PTPRR: variants seen among roughly 807,000 people sequenced by gnomAD.
PTPRR encodes receptor-type tyrosine-protein phosphatase R.
PTPRR carries 38 observed loss-of-function variants against 77.2 expected under a neutral mutation model. The observed-to-expected ratio is 0.49, with a 90% CI of 0.38 to 0.65. The LOEUF (loss-of-function observed/expected upper bound fraction) is 0.65, where lower values mean the gene tolerates loss of function less well. Ranked by LOEUF, PTPRR falls within the 30% of genes least tolerant of loss-of-function variation. The probability of loss-of-function intolerance (pLI) is 0.00; values close to 1 mark genes in which losing one functional copy is unlikely to be tolerated. For synonymous variants in PTPRR, 299 were observed against 283.1 expected (o/e 1.06, Z -0.57); for missense variants, 744 against 799.2 (o/e 0.93, Z 0.83).
chr12:70,816,360 C>T lies in PTPRR; in HGVS notation c.358-51582G>A, dbSNP rs1891902533. Among the ~76,000 whole-genome samples the T allele has an allele frequency of 2.0e-5, 3 of 151,900 alleles. No homozygotes were observed. The South Asian group carries it at 6.2e-4, about 31-fold the overall frequency. ...GGTCTATGTACTATAGTAGTAGTCA[C>T]CACCATAAAACAATAACCTGGAATA... is the stretch of plus-strand genomic sequence containing the variant. On this transcript the variant is annotated intron_variant, in intron 2 of 13. Transcript: ENST00000283228.
chr12:70,816,082 C>T (rs541337748), intron 2 of PTPRR, among the ~76,000 whole-genome samples: 32 of 152,184 alleles, frequency 2.1e-4, no homozygotes, highest in Admixed American at 1.2e-3. Context: ...GCATTGTTTA[C>T]GGTAAAAATA....
At chr12:70,867,740 G>T (rs1892881145) in intron 2 of PTPRR, among the ~76,000 whole-genome samples, 1 of 152,098 alleles carries the variant, frequency 6.6e-6, no homozygotes, top group South Asian at 2.1e-4. Flanking sequence ...TCAATCCTAA[G>T]CCAGAAGAAC....
intron 2 of PTPRR, among the ~76,000 whole-genome samples, chr12:70,878,855 T>C (rs1325857467): frequency 6.6e-6 from 1 of 152,154 alleles, no homozygotes; most frequent in Non-Finnish European, 1.5e-5. Flanking sequence ...CCAACCCAAA[T>C]GTCCATCAAT....
At chr12:70,806,513 C>T (rs1891711920) in intron 2 of PTPRR, among the ~76,000 whole-genome samples, 1 of 152,130 alleles carries the variant, frequency 6.6e-6, no homozygotes, top group Admixed American at 6.6e-5. Flanking sequence ...TTCTGGGAAA[C>T]TACTGAAAGT....
chr12:70,816,742 A>C (rs1215757231), intron 2 of PTPRR, among the ~76,000 whole-genome samples: 1 of 152,040 alleles, frequency 6.6e-6, no homozygotes, highest in Non-Finnish European at 1.5e-5. Flanking sequence ...TTAATAGAAA[A>C]TCTTATGTAA....
At chr12:70,812,303 A>T (rs1230768319) in intron 2 of PTPRR, among the ~76,000 whole-genome samples, 1 of 152,176 alleles carries the variant, frequency 6.6e-6, no homozygotes, top group Non-Finnish European at 1.5e-5. Flanking sequence ...TGAATCATTA[A>T]CATGGGCAGC....
intron 6 of PTPRR, among the ~76,000 whole-genome samples, chr12:70,717,625 A>T (rs914277701): frequency 1.3e-5 from 2 of 152,244 alleles, no homozygotes; most frequent in African/African-American, 4.8e-5. Flanking sequence ...GCACATCCTG[A>T]CAAAGTCAAT....
chr12:70,791,882 G>A (rs1340772902), intron 2 of PTPRR, among the ~76,000 whole-genome samples: 2 of 151,982 alleles, frequency 1.3e-5, no homozygotes, highest in East Asian at 1.9e-4. Flanking sequence ...TCTGGAAAAT[G>A]ATTGTGGTTG....
Position 70,743,356 on chromosome 12 carries a change from G to A in PTPRR, c.1007+2462C>T, listed in dbSNP as rs576558098. ...TGTGAGAGAAGCAATGAGAATGAAA[G>A]GTGGGAGAAGAACAATGAGGCAGCA... On this transcript the variant is annotated intron_variant, in intron 6 of 13. Coordinates refer to ENST00000283228, the MANE Select transcript of PTPRR (RefSeq NM_002849.4). 2.0e-5 allele frequency among the ~76,000 whole-genome samples: 3 copies of A among 152,244 alleles called. No individual in the cohort carries two copies. The South Asian group carries it at 6.2e-4, about 32-fold the overall frequency.
Position 70,761,480 on chromosome 12 carries a change from G to C in PTPRR, c.618C>G (p.Val206=). ...QSLSQFGITE[V]SPEKNVLQGQ... is the part of the protein sequence containing the mutation. ...TCGTGCAACAACATACCTCAGGAGA[G>C]ACTTCTGTAATTCCAAACTGGGATA... is the stretch of plus-strand genomic sequence containing the variant. The change falls in exon 4 of 14, where the codon GTC becomes GTG. Residue 206 remains valine (V), a synonymous_variant. Transcript: ENST00000283228. The C allele has an allele frequency of 6.2e-7, 1 of 1,605,684 alleles. No homozygotes were observed.
At chr12:70,771,402 A>AGAGG (rs1890973736) in intron 2 of PTPRR, among the ~76,000 whole-genome samples, 1 of 151,846 alleles carries the variant, frequency 6.6e-6, no homozygotes, top group Admixed American at 6.6e-5. Flanking sequence ...GCTAGAGGAG[A>AGAGG]GAGGGAGGGA....
chr12:70,663,168 CA>C (rs1317459829), intron 10 of PTPRR, among the ~76,000 whole-genome samples: 1 of 151,952 alleles, frequency 6.6e-6, no homozygotes, highest in African/African-American at 2.4e-5. Flanking sequence ...TTTCCCGGAC[CA>C]ACAGTTTTTT....
intron 6 of PTPRR, among the ~76,000 whole-genome samples, chr12:70,745,352 T>G (rs1037505063): frequency 4.6e-5 from 7 of 152,200 alleles, no homozygotes; most frequent in African/African-American, 1.7e-4. Flanking sequence ...TGATACTGAA[T>G]GTTTGTTGTG....
At position 70,768,062 on chromosome 12, in the gene PTPRR, G is replaced by T. The variant is rs543839623; in HGVS notation, c.358-3284C>A. On this transcript the variant is annotated intron_variant, in intron 2 of 13. Transcript: ENST00000283228. ...CACTAAATGCCCACAAGAGAAAGCA[G>T]GAAAGATCCAAAACTGACACCCTAA... 3.0e-3 allele frequency among the ~76,000 whole-genome samples: 458 copies of T among 152,012 alleles called. 1 individual carries two copies. Among genetic ancestry groups the T allele is most frequent in the African/African-American group, 0.01 (432 of 41,472 alleles).
rs370604314 is a variant in PTPRR at position 70,737,730 on chromosome 12, C to G, written c.1007+8088G>C. Among the ~76,000 whole-genome samples the G allele has an allele frequency of 5.0e-3, 765 of 152,124 alleles. 3 individuals carry two copies. Among genetic ancestry groups the G allele is most frequent in the Admixed American group, 8.0e-3 (122 of 15,278 alleles). On this transcript the variant is annotated intron_variant, in intron 6 of 13. Transcript: ENST00000283228. Reference sequence around the variant, plus strand: ...TAGAGACGGGGTCTCACTATGTTGCCCAGGTTGGTCTCAAACTCCTGGCTT... The same window carrying G: ...TAGAGACGGGGTCTCACTATGTTGCGCAGGTTGGTCTCAAACTCCTGGCTT...
intron 2 of PTPRR, among the ~76,000 whole-genome samples, chr12:70,802,415 A>G (rs145843426): frequency 1.3e-5 from 2 of 152,310 alleles, no homozygotes; most frequent in East Asian, 1.9e-4. Flanking sequence ...TTTAATCAAT[A>G]TATGGTCATG....
intron 2 of PTPRR, among the ~76,000 whole-genome samples, chr12:70,819,937 T>C (rs552276924): frequency 1.3e-5 from 2 of 152,180 alleles, no homozygotes; most frequent in Non-Finnish European, 2.9e-5. Context: ...TCTAATTTTA[T>C]GAAATGTGAG....
intron 2 of PTPRR, among the ~76,000 whole-genome samples, chr12:70,837,456 C>A (rs1052206524): frequency 1.3e-5 from 2 of 152,148 alleles, no homozygotes; most frequent in African/African-American, 4.8e-5. Context: ...ATTCTTACAA[C>A]ATGCTTCTGA....
At chr12:70,785,970 C>T (rs928910615) in intron 2 of PTPRR, among the ~76,000 whole-genome samples, 9 of 152,024 alleles carry the variant, frequency 5.9e-5, no homozygotes, top group African/African-American at 2.2e-4. Context: ...ATTCTTGTTC[C>T]TTGTTCTCTT....
Sources: gnomAD v4.1 joint callset for allele counts (sites outside exome capture counted in the v4.1 genomes callset) on GRCh38, gnomAD v4.1.1 for gene constraint, MANE v1.5 for transcripts, NCBI Gene and HGNC (gene_info 2026-07-23, HGNC 2026-07-21) for gene names.